The following ZNF462 variants were observed in gnomAD, a reference collection of about 807,000 sequenced individuals.
The protein encoded by ZNF462 is zinc finger protein 462, also known as zinc finger PBX1-interacting protein.
ZNF462 carries 10 observed loss-of-function variants against 201.9 expected under a neutral mutation model. The observed-to-expected ratio is 0.05, with a 90% CI of 0.03 to 0.08. The LOEUF is 0.08. Ranked by LOEUF, ZNF462 falls within the 10% of genes least tolerant of loss-of-function variation. The pLI is 1.00. For missense variants in ZNF462, 2,523 were observed against 3,168.3 expected (o/e 0.80, Z 4.89); for synonymous variants, 1,227 against 1,193.3 (o/e 1.03, Z -0.58).
intron 7 of ZNF462, among the ~76,000 whole-genome samples, chr9:106,941,588 A>G (rs1024842787): frequency 6.6e-5 from 10 of 152,276 alleles, no homozygotes; most frequent in African/African-American, 2.2e-4. Flanking sequence ...ATCCGTACAC[A>G]AAAGTCATTG....
At chr9:106,884,422 G>A (rs1828230981) in intron 1 of ZNF462, among the ~76,000 whole-genome samples, 1 of 152,246 alleles carries the variant, frequency 6.6e-6, no homozygotes, top group Non-Finnish European at 1.5e-5. Context: ...TACCTTCAGA[G>A]CACCTTAAGG....
intron 10 of ZNF462, among the ~76,000 whole-genome samples, chr9:107,001,306 A>G (rs10978697): frequency 0.12 from 17,733 of 152,240 alleles, 1,131 homozygotes; most frequent in African/African-American, 0.16. Flanking sequence ...GTGGCTAAAC[A>G]TAACTTCGTA....
intron 7 of ZNF462, among the ~76,000 whole-genome samples, chr9:106,967,513 A>C (rs138914657): frequency 5.9e-5 from 9 of 152,130 alleles, no homozygotes; most frequent in Non-Finnish European, 1.2e-4. Context: ...TAGCAAAAAA[A>C]AAAGTCCAAT....
In ZNF462 at chr9:106,993,910, T is replaced by G. The variant is rs1210107243; in HGVS notation, c.7057-9384T>G. 6.6e-6 allele frequency among the ~76,000 whole-genome samples: 1 copy of G among 152,056 alleles called. No homozygotes were observed. The highest frequency in any genetic ancestry group is 2.4e-5 in the African/African-American group (1 of 41,410). ...CAGGTGTGAGCCACTGTGCCCAGCC[T>G]AAGACAACATCTTTAGGAACCTTAA... On this transcript the variant is annotated intron_variant, in intron 10 of 12. Coordinates refer to ENST00000277225, the MANE Select transcript of ZNF462 (RefSeq NM_021224.6). The surrounding 1 kb of genome is among the most constrained non-coding windows in gnomAD (Gnocchi z 4.0).
chr9:106,970,603 C>A lies in ZNF462; in HGVS notation c.6428-1402C>A, dbSNP rs556242396. 6.6e-6 allele frequency among the ~76,000 whole-genome samples: 1 copy of A among 152,096 alleles called. No individual in the cohort carries two copies. The highest frequency in any genetic ancestry group is 2.1e-4 in the South Asian group (1 of 4,828). On this transcript the variant is annotated intron_variant, in intron 7 of 12. Coordinates refer to ENST00000277225, the MANE Select transcript of ZNF462 (RefSeq NM_021224.6). The surrounding 1 kb of genome is among the most constrained non-coding windows in gnomAD (Gnocchi z 4.2). ...CCTTTCCCCCCTGCTTTTTGAAAGG[C>A]TTAAGAAAAGAGCCCTTTGTTTTCT... is the stretch of plus-strand genomic sequence containing the variant.
At chr9:106,953,032 A>T (rs749430613) in intron 7 of ZNF462, among the ~76,000 whole-genome samples, 1 of 152,200 alleles carries the variant, frequency 6.6e-6, no homozygotes, top group Non-Finnish European at 1.5e-5. Flanking sequence ...AAGGTTATAC[A>T]TGAACCCCAG....
chr9:106,864,139 G>T (rs1322853065), intron 1 of ZNF462, among the ~76,000 whole-genome samples: 1 of 142,334 alleles, frequency 7.0e-6, no homozygotes, highest in Non-Finnish European at 1.5e-5. Context: ...ATGCGGGGTC[G>T]GGATGTGTCG....
chr9:106,868,461 T>C (rs1827441361), intron 1 of ZNF462, among the ~76,000 whole-genome samples: 1 of 152,204 alleles, frequency 6.6e-6, no homozygotes, highest in Non-Finnish European at 1.5e-5. Context: ...AACTGAAGTT[T>C]CGGGGTGAGG....
At chr9:106,936,091 A>G (rs1830619677) in intron 6 of ZNF462, among the ~76,000 whole-genome samples, 1 of 152,254 alleles carries the variant, frequency 6.6e-6, no homozygotes, top group Non-Finnish European at 1.5e-5. Flanking sequence ...TAAGACAGAA[A>G]TGACTTTGGG....
At chr9:106,945,603 A>C (rs1831071473) in intron 7 of ZNF462, among the ~76,000 whole-genome samples, 2 of 152,208 alleles carry the variant, frequency 1.3e-5, no homozygotes, top group Non-Finnish European at 2.9e-5. Flanking sequence ...GATGTAAGAC[A>C]TAATTTTAAT....
chr9:106,926,975 C>A lies in ZNF462; in HGVS notation c.3063C>A (p.Asp1021Glu), dbSNP rs766506413. The change falls in exon 3 of 13, where the codon GAC becomes GAA. Residue 1021 changes from aspartate (D) to glutamate (E), a missense_variant. Coordinates refer to ENST00000277225, the MANE Select transcript of ZNF462 (RefSeq NM_021224.6). The surrounding 1 kb of genome is among the most constrained non-coding windows in gnomAD (Gnocchi z 7.9). Reference sequence around the variant, plus strand: ...CTCCTGAATGTGAAAATCAGAAGGACCCTTTGGTCAACACTGTTGTTGTTT... The same window carrying A: ...CTCCTGAATGTGAAAATCAGAAGGAACCTTTGGTCAACACTGTTGTTGTTT... The part of the protein sequence containing the change: ...TFTPECENQK[D>E]PLVNTVVVYD... 1.2e-6 allele frequency: 2 copies of A among 1,614,162 alleles called. No individual in the cohort carries two copies. Among genetic ancestry groups the A allele is most frequent in the African/African-American group, 2.7e-5 (2 of 75,028 alleles).
At chr9:106,918,762 T>C (rs1829878894) in intron 1 of ZNF462, among the ~76,000 whole-genome samples, 1 of 152,232 alleles carries the variant, frequency 6.6e-6, no homozygotes, top group Non-Finnish European at 1.5e-5. Flanking sequence ...ATCTTTAGTC[T>C]CTTGATTTTT....
intron 7 of ZNF462, among the ~76,000 whole-genome samples, chr9:106,959,898 G>A (rs1317714383): frequency 6.6e-6 from 1 of 152,076 alleles, no homozygotes; most frequent in African/African-American, 2.4e-5. Context: ...TGTGGGGTGA[G>A]TTTGGAGTGG....
intron 7 of ZNF462, among the ~76,000 whole-genome samples, chr9:106,947,448 CT>C (rs1207234919): frequency 1.3e-5 from 2 of 152,178 alleles, no homozygotes; most frequent in African/African-American, 4.8e-5. Context: ...AACTCTTAAC[CT>C]ATGTGTTGAT....
In ZNF462 at chr9:107,006,216, A is replaced by C. The variant is rs1233440554; in HGVS notation, c.7189+2790A>C. On this transcript the variant is annotated intron_variant, in intron 11 of 12. Coordinates refer to ENST00000277225, the MANE Select transcript of ZNF462 (RefSeq NM_021224.6). The surrounding 1 kb of genome is among the most constrained non-coding windows in gnomAD (Gnocchi z 4.3). ...AAGATTAAATGAGATAACACAGAAG[A>C]CCTTCACCCAGTTCCTAGAATATAA... Among the ~76,000 whole-genome samples the C allele has an allele frequency of 6.6e-6, 1 of 152,218 alleles. No individual in the cohort carries two copies. Among genetic ancestry groups the C allele is most frequent in the Non-Finnish European group, 1.5e-5 (1 of 68,046 alleles).
intron 1 of ZNF462, among the ~76,000 whole-genome samples, chr9:106,918,400 A>G (rs1423025244): frequency 6.6e-6 from 1 of 152,200 alleles, no homozygotes; most frequent in Non-Finnish European, 1.5e-5. Flanking sequence ...TAGACATTCT[A>G]TATTTGCATT....
chr9:106,924,955 C>G lies in ZNF462; in HGVS notation c.1043C>G (p.Pro348Arg), dbSNP rs530448732. ...CCCATGTCTTACCCTCAGATGAAGC[C>G]GAAGTCACCTCACAATTCTGGTCTA... ...FSPMSYPQMK[P>R]KSPHNSGLVN... is the part of the protein sequence containing the mutation. Residue 348 changes from proline (P) to arginine (R), a missense_variant, in exon 3 of 13, where the codon CCG becomes CGG. Transcript: ENST00000277225. This position sits in a 1 kb window ranked among gnomAD's most constrained non-coding sequence, Gnocchi z 6.2. 6.2e-7 allele frequency: 1 copy of G among 1,614,018 alleles called. No homozygotes were observed. The highest frequency in any genetic ancestry group is 1.7e-5 in the Admixed American group (1 of 59,994).
At chr9:106,908,941 ATTTTTTTTTTTTTTTTTTT>A (rs1163695505) in intron 1 of ZNF462, among the ~76,000 whole-genome samples, 6 of 25,334 alleles carry the variant, frequency 2.4e-4, no homozygotes, top group East Asian at 1.2e-3. Context: ...ATATATATAT[ATTTTTTTTTTTTTTTTTTT>A]TTTTTTTTTT....
chr9:106,957,193 A>C (rs1831617681), intron 7 of ZNF462, among the ~76,000 whole-genome samples: 1 of 152,094 alleles, frequency 6.6e-6, no homozygotes, highest in South Asian at 2.1e-4. Flanking sequence ...TTGAACACTT[A>C]GAGGCCATTC....
Sources: gnomAD v4.1 joint callset for allele counts (sites outside exome capture counted in the v4.1 genomes callset) on GRCh38, gnomAD v4.1.1 for gene constraint, Gnocchi (gnomAD v3.1) non-coding constraint, MANE v1.5 for transcripts, NCBI Gene and HGNC (gene_info 2026-07-23, HGNC 2026-07-21) for gene names.